Variants in RAB36 observed in about 807,000 individuals in gnomAD.
RAB36 encodes RAB36, member RAS oncogene family.
A neutral mutation model predicts 39.3 loss-of-function variants in RAB36; 33 were observed. That is an observed-to-expected ratio of 0.84 (90% CI 0.64 to 1.12). RAB36 has a LOEUF of 1.12. Among genes scored for constraint, RAB36 ranks in the 50% most tolerant of loss-of-function variants. The probability of loss-of-function intolerance (pLI) is 0.00; values close to 1 mark genes in which losing one functional copy is unlikely to be tolerated. For missense variants in RAB36, 308 were observed against 355.3 expected (o/e 0.87, Z 1.07); for synonymous variants, 133 against 140.2 (o/e 0.95, Z 0.36).
rs1491175043 is a variant in RAB36 at position 23,162,695 on chromosome 22, C to CA, written c.*1132dup. Reference sequence around the variant, plus strand: ...CAGGCCCCTGTCACCTGGCTATGCCCACTCATCCCACCCGTCTCGTGCTGT... The same window carrying CA: ...CAGGCCCCTGTCACCTGGCTATGCCCAACTCATCCCACCCGTCTCGTGCTGT... On this transcript the variant is annotated 3_prime_UTR_variant, in exon 11 of 11. Transcript: ENST00000263116. 2.2e-6 allele frequency: 1 copy of CA among 456,298 alleles called. No individual in the cohort carries two copies. The highest frequency in any genetic ancestry group is 4.4e-6 in the Non-Finnish European group (1 of 226,980). The allele number at this position is 456,298 out of a possible 1,614,324, so 28.3% of individuals were successfully genotyped here. A position where few individuals can be genotyped will look rare whatever the true frequency, so the allele number is the denominator to read the frequency against.
chr22:23,167,553 C>T (rs2072071989), downstream of RAB36, among the ~76,000 whole-genome samples: 1 of 152,154 alleles, frequency 6.6e-6, no homozygotes, highest in South Asian at 2.1e-4. Flanking sequence ...TGGGATGGAC[C>T]ACTGTCAGAC....
chr22:23,153,277 T>C, intron 5 of RAB36, 143 bp downstream of exon 5: 2 of 686,292 alleles, frequency 2.9e-6, no homozygotes, highest in Non-Finnish European at 5.0e-6. Context: ...GACACTTAGC[T>C]TCCTGGCTCC....
chr22:23,166,137 CTCTG>C (rs1428612440), downstream of RAB36, among the ~76,000 whole-genome samples: 1 of 97,764 alleles, frequency 1.0e-5, no homozygotes, highest in Non-Finnish European at 1.8e-5. Context: ...CGGAGTGAGA[CTCTG>C]TCTTTTAAAA....
intron 5 of RAB36, 33 bp downstream of exon 5, chr22:23,153,167 A>T: frequency 6.6e-7 from 1 of 1,505,112 alleles, no homozygotes; most frequent in Non-Finnish European, 9.2e-7. Flanking sequence ...GCTCGTGGGC[A>T]GCTTCCTACA....
intron 2 of RAB36, among the ~76,000 whole-genome samples, chr22:23,148,598 C>T (rs2070935070): frequency 6.6e-6 from 1 of 152,180 alleles, no homozygotes; most frequent in South Asian, 2.1e-4. Flanking sequence ...GGATCAAGGC[C>T]ACTGCTGGTC....
At chr22:23,158,420 C>T (rs906024104) in intron 7 of RAB36, among the ~76,000 whole-genome samples, 4 of 152,210 alleles carry the variant, frequency 2.6e-5, no homozygotes, top group African/African-American at 9.7e-5. Context: ...TTTGAAGTGA[C>T]ATGAATTTGG....
intron 2 of RAB36, among the ~76,000 whole-genome samples, chr22:23,147,341 T>C (rs546676300): frequency 4.2e-5 from 6 of 143,828 alleles, no homozygotes; most frequent in African/African-American, 1.3e-4. Flanking sequence ...TTCTTTTTTC[T>C]TTTTTTTTTA....
At chr22:23,150,644 A>G (rs535982698) in intron 3 of RAB36, among the ~76,000 whole-genome samples, 4 of 152,196 alleles carry the variant, frequency 2.6e-5, no homozygotes, top group African/African-American at 9.6e-5. Flanking sequence ...CACACCTGCC[A>G]TATGGAACAA....
intron 6 of RAB36, among the ~76,000 whole-genome samples, 187 bp from the exon 7 acceptor site, chr22:23,157,805 G>A (rs1208433004): frequency 1.3e-5 from 2 of 152,226 alleles, no homozygotes; most frequent in African/African-American, 4.8e-5. Flanking sequence ...GGTGCAGGCT[G>A]GAGGGTCCCG....
downstream of RAB36, among the ~76,000 whole-genome samples, chr22:23,168,274 T>C (rs1228248882): frequency 6.6e-6 from 1 of 152,128 alleles, no homozygotes; most frequent in African/African-American, 2.4e-5. Flanking sequence ...CCTCCAGCTC[T>C]TGAAGTCCTG....
intron 9 of RAB36, 86 bp downstream of exon 9, chr22:23,159,339 C>T (rs2071644730): frequency 2.3e-6 from 3 of 1,296,708 alleles, no homozygotes; most frequent in East Asian, 2.5e-5. Flanking sequence ...GTGTTTCCCT[C>T]TGTAGCCAGT....
intron 9 of RAB36, among the ~76,000 whole-genome samples, chr22:23,160,559 A>G (rs540718145): frequency 6.6e-6 from 1 of 152,326 alleles, no homozygotes; most frequent in South Asian, 2.1e-4. Flanking sequence ...CACTTGGGCC[A>G]TAGTAGCATC....
At chr22:23,147,329 G>C (rs992208754) in intron 2 of RAB36, among the ~76,000 whole-genome samples, 2 of 151,266 alleles carry the variant, frequency 1.3e-5, no homozygotes, top group African/African-American at 4.9e-5. Context: ...CAGCCATTCT[G>C]TTTCTTTTTT....
intron 3 of RAB36, 147 bp from the exon 4 acceptor site, chr22:23,152,314 A>G (rs1053756242): frequency 2.6e-6 from 2 of 766,472 alleles, no homozygotes; most frequent in East Asian, 5.0e-5. Context: ...TGAAGGGGGA[A>G]CACAGTGTCT....
intron 2 of RAB36, among the ~76,000 whole-genome samples, chr22:23,147,572 A>G (rs1037924717): frequency 1.3e-5 from 2 of 151,970 alleles, no homozygotes; most frequent in Non-Finnish European, 2.9e-5. Flanking sequence ...GCCTCAAGCA[A>G]TCCTCCCACC....
intron 7 of RAB36, among the ~76,000 whole-genome samples, 172 bp from the exon 8 acceptor site, chr22:23,158,726 C>T (rs927398686): frequency 5.3e-5 from 8 of 152,216 alleles, no homozygotes; most frequent in African/African-American, 1.9e-4. Flanking sequence ...GTCCAGCCAA[C>T]GCCCTTCCGG....
Position 23,155,993 on chromosome 22 carries a change from T to C in RAB36, c.355T>C (p.Phe119Leu). ...CTGGGACACAGCTGGGCAGGAGAAG[T>C]TCAAGTGCATCGCATCTGCCTACTA... ...QIWDTAGQEK[F>L]KCIASAYYRG... The change falls in exon 6 of 11, where the codon TTC becomes CTC. Residue 119 changes from phenylalanine (F) to leucine (L), a missense_variant. Physicochemically the swap from Phe to Leu is conservative, Grantham distance 22 (BLOSUM62 0). Coordinates refer to ENST00000263116, the MANE Select transcript of RAB36 (RefSeq NM_004914.5). 1 of 1,612,576 alleles carries C rather than the reference T, an allele frequency of 6.2e-7. No individual in the cohort carries two copies. Among genetic ancestry groups the C allele is most frequent in the South Asian group, 1.1e-5 (1 of 90,810 alleles).
Position 23,158,027 on chromosome 22 carries a change from A to C in RAB36, c.430A>C (p.Thr144Pro). The C allele has an allele frequency of 6.2e-7, 1 of 1,614,104 alleles. No individual in the cohort carries two copies. The highest frequency in any genetic ancestry group is 8.5e-7 in the Non-Finnish European group (1 of 1,180,010). The change falls in exon 7 of 11, where the codon ACC becomes CCC. Residue 144 changes from threonine to proline, a missense_variant. By Grantham distance (38) the Thr-to-Pro change is conservative. Transcript: ENST00000263116. ...ITAFDLTDVQ[T>P]LEHTRQWLED... ...GGCCTTTGACCTCACTGACGTGCAG[A>C]CCCTGGAGCATACCAGGTAAGTCTG...
chr22:23,163,016 A>G lies in RAB36; in HGVS notation c.*1452A>G, dbSNP rs1304372036. ...AACCTCTGCCTCCCAGGTTGAAGCG[A>G]TTCTCCTGCCTCAGCCTCCCAAGTA... On this transcript the variant is annotated 3_prime_UTR_variant, in exon 11 of 11. Coordinates refer to ENST00000263116, the MANE Select transcript of RAB36 (RefSeq NM_004914.5). The G allele has an allele frequency of 1.0e-5, 3 of 294,710 alleles. No homozygotes were observed. The highest frequency in any genetic ancestry group is 6.8e-5 in the African/African-American group (3 of 44,430). The allele number at this position is 294,710 out of a possible 1,614,324, so 18.3% of individuals were successfully genotyped here.
Sources: gnomAD v4.1 joint callset for allele counts (sites outside exome capture counted in the v4.1 genomes callset) on GRCh38, gnomAD v4.1.1 for gene constraint, MANE v1.5 for transcripts, NCBI Gene and HGNC (gene_info 2026-07-23, HGNC 2026-07-21) for gene names.